The following NDUFAF7 variants were observed in gnomAD, a reference collection of about 807,000 sequenced individuals.
NDUFAF7 encodes the protein NADH:ubiquinone oxidoreductase complex assembly factor 7.
In NDUFAF7, 48 loss-of-function variants were observed where a neutral mutation model predicts 47.2. That is an observed-to-expected ratio of 1.02 (90% CI 0.81 to 1.29). The LOEUF (loss-of-function observed/expected upper bound fraction) is 1.29. Among genes scored for constraint, NDUFAF7 ranks in the 50% most tolerant of loss-of-function variants. The pLI is 0.00. For missense variants in NDUFAF7, 635 were observed against 537.6 expected (o/e 1.18, Z -1.79); for synonymous variants, 217 against 190.0 (o/e 1.14, Z -1.17).
At chr2:37,268,260 C>G in the NDUFAF7 span, 1 of 463,624 alleles carries the variant, frequency 2.2e-6, no homozygotes, top group South Asian at 1.6e-5. Flanking sequence ...CTTGAAAAGA[C>G]TGAACAAATG....
the NDUFAF7 span, chr2:37,267,666 C>T: frequency 7.5e-6 from 5 of 667,522 alleles, no homozygotes; most frequent in South Asian, 1.8e-5. Flanking sequence ...TCTTTCTCCA[C>T]ACTCCTTCAC....
downstream of NDUFAF7, among the ~76,000 whole-genome samples, chr2:37,253,894 A>G (rs1667722683): frequency 6.6e-6 from 1 of 152,224 alleles, no homozygotes; most frequent in Non-Finnish European, 1.5e-5. Context: ...CAATGCAAAA[A>G]TAAATCCTTC....
At chr2:37,259,841 C>T in the NDUFAF7 span, among the ~76,000 whole-genome samples, 5 of 152,168 alleles carry the variant, frequency 3.3e-5, no homozygotes, top group African/African-American at 1.2e-4. Context: ...CCCACAATCA[C>T]CCAACATGTA....
chr2:37,237,210 T>TA (rs1352242871), intron 3 of NDUFAF7, among the ~76,000 whole-genome samples: 1 of 152,186 alleles, frequency 6.6e-6, no homozygotes, highest in Non-Finnish European at 1.5e-5. Context: ...CCTCAGGTGG[T>TA]CCACCCGCCT....
At chr2:37,254,244 C>T (rs1190447993), downstream of NDUFAF7, 6 of 1,613,288 alleles carry the variant, frequency 3.7e-6, no homozygotes, top group Admixed American at 1.7e-5. Flanking sequence ...AACACTGTAA[C>T]GTTTTCTCAT....
At chr2:37,242,175 G>T in intron 5 of NDUFAF7, 1 of 260,026 alleles carries the variant, frequency 3.8e-6, no homozygotes, top group East Asian at 9.8e-5. Context: ...CTTGCCTAAA[G>T]ACAAGCAAGG....
rs934576388 is a variant in NDUFAF7 at position 37,231,879 on chromosome 2, G to A, written c.55+119G>A. 3.8e-6 allele frequency: 6 copies of A among 1,580,506 alleles called. No individual in the cohort carries two copies. The African/African-American group carries it at 8.1e-5, about 21-fold the overall frequency. ...CTCGGGGGCTCACTTCCACCTTGAAGGTACCCTGGGCTGGAAACGGGTCCG... is the reference window on the plus strand; with the variant it reads ...CTCGGGGGCTCACTTCCACCTTGAAAGTACCCTGGGCTGGAAACGGGTCCG... On this transcript the variant is annotated intron_variant, in intron 1 of 9. Coordinates refer to ENST00000002125, the MANE Select transcript of NDUFAF7 (RefSeq NM_144736.5).
chr2:37,262,752 CT>C, the NDUFAF7 span, among the ~76,000 whole-genome samples: 1 of 152,086 alleles, frequency 6.6e-6, no homozygotes, highest in Non-Finnish European at 1.5e-5. Context: ...ATTTTTCTCC[CT>C]TAACAACTTC....
chr2:37,246,652 T>C (rs1315360488), intron 8 of NDUFAF7, among the ~76,000 whole-genome samples: 1 of 152,216 alleles, frequency 6.6e-6, no homozygotes, highest in Non-Finnish European at 1.5e-5. Flanking sequence ...TAAACATCCT[T>C]TCTTAATGAT....
downstream of NDUFAF7, chr2:37,253,229 G>C (rs910687378): frequency 1.9e-6 from 3 of 1,612,236 alleles, no homozygotes; most frequent in African/African-American, 4.0e-5. Context: ...GAAGTGCTTT[G>C]GGTATACAAG....
downstream of NDUFAF7, among the ~76,000 whole-genome samples, chr2:37,258,011 G>A (rs1291325879): frequency 6.6e-6 from 1 of 152,122 alleles, no homozygotes; most frequent in Non-Finnish European, 1.5e-5. Flanking sequence ...CACTTATCTT[G>A]CTGCCCAGAT....
In NDUFAF7 at chr2:37,242,649, C is replaced by T; in HGVS notation, c.637C>T (p.Leu213Phe). ...HDVPKGYSFYLAHEFFDVLPV... is the reference protein window; with the variant it reads ...HDVPKGYSFYFAHEFFDVLPV... ...TTTTTAAATAGGGTACAGCTTTTAT[C>T]TTGCACATGAATTTTTTGATGTTCT... Residue 213 changes from leucine to phenylalanine, a missense_variant, in exon 6 of 10, where the codon CTT (leucine) becomes TTT (phenylalanine). Transcript: ENST00000002125. 2 of 1,598,996 alleles carry T rather than the reference C, an allele frequency of 1.3e-6. No homozygotes were observed. The highest frequency in any genetic ancestry group is 1.7e-6 in the Non-Finnish European group (2 of 1,166,752).
chr2:37,257,623 G>A (rs190577447), downstream of NDUFAF7, among the ~76,000 whole-genome samples: 33 of 130,754 alleles, frequency 2.5e-4, no homozygotes, highest in African/African-American at 8.7e-4. Flanking sequence ...TCGAGATTAC[G>A]CCGCTGCAAT....
downstream of NDUFAF7, chr2:37,256,516 G>C (rs564740303): frequency 7.4e-5 from 81 of 1,093,706 alleles, no homozygotes; most frequent in South Asian, 1.3e-3. Flanking sequence ...TCAAAAAACT[G>C]GTAACTAGTT....
chr2:37,260,227 G>A, the NDUFAF7 span: 1 of 1,602,140 alleles, frequency 6.2e-7, no homozygotes, highest in Non-Finnish European at 8.5e-7. Flanking sequence ...AAATACCTGT[G>A]TGACCATGAA....
In NDUFAF7 at chr2:37,243,953, C is replaced by G. The variant is rs1156630819; in HGVS notation, c.772C>G (p.Pro258Ala). The change falls in exon 7 of 10, where the codon CCA becomes GCA. Residue 258 changes from proline to alanine, a missense_variant. Coordinates refer to ENST00000002125, the MANE Select transcript of NDUFAF7 (RefSeq NM_144736.5). ...LRFVLAPSAT[P>A]AEAFIQHDET... ...GTTTGTTTTGGCACCTTCTGCCACC[C>G]CAGCAGAAGCCTTCATACAAGTAAG... 40 of 1,611,216 alleles carry G rather than the reference C, an allele frequency of 2.5e-5. No homozygotes were observed. Among genetic ancestry groups the G allele is most frequent in the Non-Finnish European group, 3.4e-5 (40 of 1,177,526 alleles).
At chr2:37,263,112 CCTT>C in the NDUFAF7 span, among the ~76,000 whole-genome samples, 3 of 151,998 alleles carry the variant, frequency 2.0e-5, no homozygotes, top group African/African-American at 7.2e-5. Context: ...TTCTTCAACT[CCTT>C]GAGTTAGATT....
the NDUFAF7 span, chr2:37,269,091 T>TA: frequency 1.3e-5 from 2 of 156,062 alleles, no homozygotes; most frequent in African/African-American, 4.8e-5. Context: ...ATTTAAGCCC[T>TA]ATGAGCTACA....
intron 2 of NDUFAF7, among the ~76,000 whole-genome samples, 155 bp downstream of exon 2, chr2:37,232,421 G>A (rs988728709): frequency 1.3e-5 from 2 of 152,216 alleles, no homozygotes; most frequent in African/African-American, 4.8e-5. Context: ...TAATTTGTCA[G>A]TTGGTCAGGG....
Sources: gnomAD v4.1 joint callset for allele counts (sites outside exome capture counted in the v4.1 genomes callset) on GRCh38, gnomAD v4.1.1 for gene constraint, MANE v1.5 for transcripts, NCBI Gene and HGNC (gene_info 2026-07-23, HGNC 2026-07-21) for gene names.